GPHN: variants seen among roughly 807,000 people sequenced by gnomAD.
GPHN encodes gephyrin.
GPHN carries 17 observed loss-of-function variants against 95.5 expected under a neutral mutation model. The observed-to-expected ratio is 0.18, with a 90% CI of 0.12 to 0.27. The LOEUF (loss-of-function observed/expected upper bound fraction) is 0.27. GPHN is among the 10% of genes least tolerant of loss of function. The pLI is 1.00. For synonymous variants in GPHN, 320 were observed against 322.5 expected, an observed-to-expected ratio of 0.99 and a Z score of 0.08; for missense variants, 660 against 978.1, an observed-to-expected ratio of 0.67 and a Z score of 4.34.
At chr14:67,670,111 T>C in the GPHN span, among the ~76,000 whole-genome samples, 3 of 152,010 alleles carry the variant, frequency 2.0e-5, no homozygotes, top group Non-Finnish European at 2.9e-5. Context: ...TCAAACAAAT[T>C]CCCGTTAGCA....
chr14:67,723,199 C>T, the GPHN span, among the ~76,000 whole-genome samples: 2 of 152,152 alleles, frequency 1.3e-5, no homozygotes, highest in Admixed American at 6.5e-5. Context: ...TGTGGGATTT[C>T]TAGAGGTGTC....
chr14:66,774,833 T>A (rs2059325330), intron 2 of GPHN, among the ~76,000 whole-genome samples: 1 of 152,186 alleles, frequency 6.6e-6, no homozygotes, highest in Admixed American at 6.5e-5. Context: ...ATTTTAAAAA[T>A]ATAGCTACAT....
rs182052696 is a variant in GPHN at position 66,617,341 on chromosome 14, G to T, written c.65-63766G>T. ...GGGGTTGGGACGCTAGGGCCCAGTG[G>T]CATGGGTTCGCAAGTTGGATCTTCT... is the stretch of plus-strand genomic sequence containing the variant. On this transcript the variant is annotated intron_variant, in intron 1 of 22. Transcript: ENST00000478722. Among the ~76,000 whole-genome samples, 252 of 152,312 alleles carry T rather than the reference G, an allele frequency of 1.7e-3. 1 individual carries two copies. The highest frequency in any genetic ancestry group is 0.011 in the South Asian group (55 of 4,832).
chr14:66,577,811 T>A (rs2060970271), intron 1 of GPHN, among the ~76,000 whole-genome samples: 1 of 152,046 alleles, frequency 6.6e-6, no homozygotes, highest in African/African-American at 2.4e-5. Flanking sequence ...TTTTACCATA[T>A]GGCCTACAAT....
intron 1 of GPHN, among the ~76,000 whole-genome samples, chr14:66,533,118 G>GT (rs555229752): frequency 2.6e-5 from 4 of 152,134 alleles, no homozygotes; most frequent in Non-Finnish European, 4.4e-5. Context: ...ATTAATAAAT[G>GT]TTTTTTTCCC....
chr14:67,089,133 C>CTT (rs1163483546), intron 12 of GPHN, 58 bp downstream of exon 12: 2,502 of 198,362 alleles, frequency 0.013, no homozygotes, highest in Non-Finnish European at 0.014. Context: ...TTCTTTTTTT[C>CTT]TTTTTTTTTT....
At chr14:67,302,393 C>CAT in the GPHN span, 17 of 1,449,360 alleles carry the variant, frequency 1.2e-5, no homozygotes, top group Middle Eastern at 3.8e-4. Context: ...TTAAATTATA[C>CAT]ATATATATAT....
chr14:67,579,162 T>G, the GPHN span: 1 of 1,606,536 alleles, frequency 6.2e-7, no homozygotes, highest in Non-Finnish European at 8.5e-7. Flanking sequence ...TGCCACCTAC[T>G]GCCAGCGGGC....
chr14:67,543,893 A>C, the GPHN span, among the ~76,000 whole-genome samples: 1 of 152,186 alleles, frequency 6.6e-6, no homozygotes, highest in African/African-American at 2.4e-5. Context: ...TCAGGTAACA[A>C]AATGAAGAGG....
chr14:66,517,999 G>A (rs1227750614), intron 1 of GPHN, among the ~76,000 whole-genome samples: 1 of 151,754 alleles, frequency 6.6e-6, no homozygotes, highest in East Asian at 1.9e-4. Flanking sequence ...CAGAATGAAA[G>A]GCAGCCTATA....
chr14:67,727,396 T>G, the GPHN span: 1 of 574,558 alleles, frequency 1.7e-6, no homozygotes, highest in African/African-American at 1.9e-5. Flanking sequence ...CTCAAAAAGT[T>G]ACCTTGTATT....
chr14:66,769,135 G>T (rs1257303521), intron 2 of GPHN, among the ~76,000 whole-genome samples: 1 of 151,984 alleles, frequency 6.6e-6, no homozygotes. Flanking sequence ...TCTGTCTCAA[G>T]ACAGTGAAGC....
chr14:66,642,837 A>G (rs1049794449), intron 1 of GPHN, among the ~76,000 whole-genome samples: 4 of 152,074 alleles, frequency 2.6e-5, no homozygotes, highest in African/African-American at 4.8e-5. Flanking sequence ...ATAAAAATCC[A>G]TTTTAGGTAC....
the GPHN span, among the ~76,000 whole-genome samples, chr14:67,247,547 G>A: frequency 2.6e-5 from 4 of 151,580 alleles, no homozygotes; most frequent in Non-Finnish European, 5.9e-5. Context: ...CTGAGATGTC[G>A]AATAGGAGAG....
chr14:66,745,559 T>G (rs1388061361), intron 2 of GPHN, among the ~76,000 whole-genome samples: 1 of 152,066 alleles, frequency 6.6e-6, no homozygotes, highest in Non-Finnish European at 1.5e-5. Context: ...GATAGTGATA[T>G]GTCTTCACCA....
chr14:67,393,300 A>C, the GPHN span: 1 of 1,145,064 alleles, frequency 8.7e-7, no homozygotes, highest in Non-Finnish European at 1.3e-6. Context: ...GGTATAAGGG[A>C]GGGTCCTGAG....
intron 3 of GPHN, among the ~76,000 whole-genome samples, chr14:66,812,679 C>T (rs1331017063): frequency 6.6e-6 from 1 of 152,164 alleles, no homozygotes; most frequent in Non-Finnish European, 1.5e-5. Context: ...TAAGACCCCA[C>T]CTGAGCCAGT....
At chr14:67,398,796 T>C in the GPHN span, among the ~76,000 whole-genome samples, 2 of 152,212 alleles carry the variant, frequency 1.3e-5, no homozygotes, top group South Asian at 2.1e-4. Flanking sequence ...TCTGGGCTTC[T>C]GTGATCCTCT....
chr14:67,686,780 G>A, the GPHN span, among the ~76,000 whole-genome samples: 1 of 152,118 alleles, frequency 6.6e-6, no homozygotes, highest in Non-Finnish European at 1.5e-5. Flanking sequence ...TTGTAGAAAG[G>A]TAATATGAAA....
Sources: allele counts gnomAD v4.1 joint callset (sites outside exome capture counted in the v4.1 genomes callset), GRCh38; gene constraint gnomAD v4.1.1; transcripts MANE v1.5; gene names NCBI Gene and HGNC (gene_info 2026-07-23, HGNC 2026-07-21).